Variants in NELL2 observed in about 807,000 individuals in gnomAD.
The protein encoded by NELL2 is protein kinase C-binding protein NELL2.
A neutral mutation model predicts 109.6 loss-of-function variants in NELL2; 41 were observed. The observed-to-expected ratio is 0.37, with a 90% CI of 0.29 to 0.49. The LOEUF (loss-of-function observed/expected upper bound fraction) is 0.49, where lower values mean the gene tolerates loss of function less well. Ranked by LOEUF, NELL2 falls within the 20% of genes least tolerant of loss-of-function variation. The pLI is 0.98. For synonymous variants in NELL2, 355 were observed against 344.7 expected (o/e 1.03, Z -0.33); for missense variants, 900 against 1,008.3 (o/e 0.89, Z 1.45).
intron 13 of NELL2, among the ~76,000 whole-genome samples, chr12:44,626,332 A>T (rs1157080259): frequency 6.6e-6 from 1 of 152,124 alleles, no homozygotes; most frequent in East Asian, 1.9e-4. Flanking sequence ...TTGAATAGCT[A>T]AAGCATTTTG....
intron 2 of NELL2, among the ~76,000 whole-genome samples, chr12:44,835,253 T>C (rs2136734613): frequency 6.6e-6 from 1 of 152,252 alleles, no homozygotes; most frequent in African/African-American, 2.4e-5. Flanking sequence ...TCGCCCGACG[T>C]GCTCCAAGGC....
At chr12:44,650,547 G>A (rs1239667232) in intron 13 of NELL2, among the ~76,000 whole-genome samples, 1 of 151,886 alleles carries the variant, frequency 6.6e-6, no homozygotes, top group Non-Finnish European at 1.5e-5. Flanking sequence ...TGCCTGCCTC[G>A]GCTTCCCAAA....
rs546374787 is a variant in NELL2, at chr12:44,725,727, T to C, written c.995-10986A>G. On this transcript the variant is annotated intron_variant, in intron 9 of 19. Coordinates refer to ENST00000429094, the MANE Select transcript of NELL2 (RefSeq NM_001145108.2). ...ACATGGATGGAGCTGGAGGCTCTTATCCTTAGCAAACTAACGCAGGAACAG... is the reference window on the plus strand; with the variant it reads ...ACATGGATGGAGCTGGAGGCTCTTACCCTTAGCAAACTAACGCAGGAACAG... 2.1e-3 allele frequency among the ~76,000 whole-genome samples: 315 copies of C among 152,304 alleles called. 1 individual carries two copies. The highest frequency in any genetic ancestry group is 3.2e-3 in the Non-Finnish European group (218 of 68,022).
chr12:44,722,844 T>C (rs1938854522), intron 9 of NELL2, among the ~76,000 whole-genome samples: 2 of 152,178 alleles, frequency 1.3e-5, no homozygotes, highest in Admixed American at 6.5e-5. Context: ...ACCAGTAGGC[T>C]GATGGATCTC....
chr12:44,802,375 GC>G (rs1258345993), intron 3 of NELL2, among the ~76,000 whole-genome samples: 1 of 152,000 alleles, frequency 6.6e-6, no homozygotes, highest in East Asian at 1.9e-4. Context: ...AATTTGAAAA[GC>G]CATAAACAGA....
intron 9 of NELL2, among the ~76,000 whole-genome samples, chr12:44,767,813 A>G (rs1366409911): frequency 6.6e-6 from 1 of 152,244 alleles, no homozygotes; most frequent in African/African-American, 2.4e-5. Flanking sequence ...GAGTAGACAC[A>G]TTAAAAGTCA....
chr12:44,571,653 T>C (rs1314040082), intron 15 of NELL2, among the ~76,000 whole-genome samples: 1 of 152,230 alleles, frequency 6.6e-6, no homozygotes, highest in African/African-American at 2.4e-5. Context: ...TATTTCATAT[T>C]TGGTAAATAC....
chr12:44,562,562 A>G (rs1592123688), intron 15 of NELL2, among the ~76,000 whole-genome samples: 2 of 152,246 alleles, frequency 1.3e-5, no homozygotes, highest in African/African-American at 4.8e-5. Context: ...AAACATACGA[A>G]AAAAAGCTCA....
At chr12:44,685,090 A>G (rs567854466) in intron 12 of NELL2, among the ~76,000 whole-genome samples, 4,362 of 152,046 alleles carry the variant, frequency 0.029, 193 homozygotes, top group African/African-American at 0.097. Flanking sequence ...TGCTTTATGA[A>G]TCTGGGTGCT....
chr12:44,874,109 GCAA>G (rs1483843509), intron 2 of NELL2, among the ~76,000 whole-genome samples: 1 of 152,020 alleles, frequency 6.6e-6, no homozygotes, highest in Non-Finnish European at 1.5e-5. Context: ...GCTATATCAG[GCAA>G]CAACACCACT....
intron 15 of NELL2, among the ~76,000 whole-genome samples, chr12:44,581,922 A>T (rs935214736): frequency 3.3e-5 from 5 of 152,258 alleles, no homozygotes; most frequent in African/African-American, 1.2e-4. Flanking sequence ...TAAAAATTCA[A>T]GTCAACAAAA....
At position 44,508,714 on chromosome 12, in the gene NELL2, G is replaced by A. The variant is rs1466035815; in HGVS notation, c.*220C>T. ...CGCCCATTCTTCTACATGGTGATGT[G>A]AGACACAGTAGAGGCAGACTTGAGG... On this transcript the variant is annotated 3_prime_UTR_variant, in exon 20 of 20. Transcript: ENST00000429094. 2 of 550,738 alleles carry A rather than the reference G, an allele frequency of 3.6e-6. No homozygotes were observed. Among genetic ancestry groups the A allele is most frequent in the Admixed American group, 6.5e-5 (2 of 30,766 alleles). The allele number at this position is 550,738 out of a possible 1,614,324, so 34.1% of individuals were successfully genotyped here.
intron 15 of NELL2, among the ~76,000 whole-genome samples, chr12:44,553,766 A>G (rs1175693888): frequency 6.6e-6 from 1 of 152,212 alleles, no homozygotes; most frequent in Admixed American, 6.5e-5. Flanking sequence ...AAAGTAAATC[A>G]TAAAGTAATA....
intron 13 of NELL2, among the ~76,000 whole-genome samples, chr12:44,630,627 T>G (rs1040973267): frequency 2.6e-5 from 4 of 152,160 alleles, no homozygotes; most frequent in Non-Finnish European, 5.9e-5. Context: ...CCCTGGGAAT[T>G]ATCCTTTAAG....
At chr12:44,909,750 C>A (rs1379816839) in intron 1 of NELL2, among the ~76,000 whole-genome samples, 1 of 151,164 alleles carries the variant, frequency 6.6e-6, no homozygotes, top group Admixed American at 6.6e-5. Context: ...CAGACACACA[C>A]ACACACACAC....
chr12:44,743,503 T>A (rs1450812774), intron 9 of NELL2, among the ~76,000 whole-genome samples: 1 of 54,430 alleles, frequency 1.8e-5, no homozygotes, highest in African/African-American at 7.5e-5. Context: ...AGACACAGAC[T>A]AGCAAATTGG....
intron 12 of NELL2, among the ~76,000 whole-genome samples, chr12:44,677,644 C>T (rs1948362007): frequency 6.6e-6 from 1 of 152,020 alleles, no homozygotes; most frequent in Non-Finnish European, 1.5e-5. Flanking sequence ...AGGAAGCTCA[C>T]TTGATACTAG....
At chr12:44,753,356 T>G (rs985809882) in intron 9 of NELL2, among the ~76,000 whole-genome samples, 1 of 152,178 alleles carries the variant, frequency 6.6e-6, no homozygotes, top group Admixed American at 6.5e-5. Flanking sequence ...TACTGCCTAG[T>G]ACATGGGAAC....
At chr12:44,619,962 T>C (rs1251899115) in intron 13 of NELL2, among the ~76,000 whole-genome samples, 2 of 152,146 alleles carry the variant, frequency 1.3e-5, no homozygotes, top group East Asian at 3.8e-4. Flanking sequence ...ACTCCAATTT[T>C]GGGCTCCATA....
Sources: allele counts gnomAD v4.1 joint callset (sites outside exome capture counted in the v4.1 genomes callset), GRCh38; gene constraint gnomAD v4.1.1; transcripts MANE v1.5; gene names NCBI Gene and HGNC (gene_info 2026-07-23, HGNC 2026-07-21).